Variants in MAST4 observed in about 807,000 individuals in gnomAD.
MAST4 encodes microtubule-associated serine/threonine-protein kinase 4.
Under a neutral mutation model 162.7 loss-of-function variants are expected in MAST4, and 89 were observed. That is an observed-to-expected ratio of 0.55 (90% CI 0.46 to 0.65). The LOEUF is 0.65. MAST4 is among the 30% of genes least tolerant of loss of function. MAST4 has a pLI of 0.00. For synonymous variants in MAST4, 1,479 were observed against 1,361.1 expected, an observed-to-expected ratio of 1.09 and a Z score of -1.91; for missense variants, 3,153 against 3,374.0, an observed-to-expected ratio of 0.93 and a Z score of 1.62.
chr5:66,797,940 G>C (rs762677691), intron 3 of MAST4, among the ~76,000 whole-genome samples: 44 of 152,186 alleles, frequency 2.9e-4, no homozygotes, highest in Admixed American at 3.9e-4. Context: ...ATGTGTATCA[G>C]TGATGATGAA....
At chr5:66,856,660 T>G (rs956934051) in intron 3 of MAST4, among the ~76,000 whole-genome samples, 1 of 152,234 alleles carries the variant, frequency 6.6e-6, no homozygotes, top group African/African-American at 2.4e-5. Flanking sequence ...GCCTTCCTGA[T>G]TTTAAATCTG....
rs761019817 is a variant in MAST4, at chr5:66,596,679, G to T, written c.24G>T (p.Ala8=). MGEKVSE[A]PEPVPRGCSG... ...AAATGGGGGAGAAAGTTTCGGAGGCGCCAGAGCCGGTGCCCCGCGGCTGCA... is the reference window on the plus strand; with the variant it reads ...AAATGGGGGAGAAAGTTTCGGAGGCTCCAGAGCCGGTGCCCCGCGGCTGCA... Residue 8 remains alanine (A), a synonymous_variant, in exon 1 of 29, where the codon GCG becomes GCT. Coordinates refer to ENST00000403625, the MANE Select transcript of MAST4 (RefSeq NM_001164664.2). 21 of 1,466,194 alleles carry T rather than the reference G, an allele frequency of 1.4e-5. No individual in the cohort carries two copies. The highest frequency in any genetic ancestry group is 1.2e-4 in the African/African-American group (8 of 68,522). The allele number at this position is 1,466,194 out of a possible 1,614,324, so 90.8% of individuals were successfully genotyped here. A position where few individuals can be genotyped will look rare whatever the true frequency, so the allele number is the denominator to read the frequency against.
intron 4 of MAST4, among the ~76,000 whole-genome samples, chr5:67,016,073 T>G (rs1278641115): frequency 1.3e-5 from 2 of 152,186 alleles, no homozygotes; most frequent in African/African-American, 2.4e-5. Context: ...CTCAATCTAG[T>G]GGGCTTTAGA....
intron 3 of MAST4, among the ~76,000 whole-genome samples, chr5:66,869,338 T>G (rs939338472): frequency 6.6e-6 from 1 of 152,204 alleles, no homozygotes; most frequent in South Asian, 2.1e-4. Flanking sequence ...TCTATGGAAA[T>G]GGGAAGACAT....
intron 4 of MAST4, among the ~76,000 whole-genome samples, chr5:66,901,900 G>A (rs74867221): frequency 3.9e-5 from 6 of 151,990 alleles, no homozygotes; most frequent in Non-Finnish European, 7.4e-5. Flanking sequence ...CTCATGCAAG[G>A]TTCTTTTATG....
intron 4 of MAST4, among the ~76,000 whole-genome samples, chr5:67,027,879 T>C (rs576115534): frequency 6.6e-6 from 1 of 152,318 alleles, no homozygotes; most frequent in East Asian, 1.9e-4. Flanking sequence ...CTGAGTGTAG[T>C]TGACTCTCCA....
At chr5:66,812,880 T>C (rs1642332394) in intron 3 of MAST4, among the ~76,000 whole-genome samples, 1 of 152,216 alleles carries the variant, frequency 6.6e-6, no homozygotes, top group South Asian at 2.1e-4. Context: ...ACCACCTCTC[T>C]TGCAGTTTAG....
Position 67,165,434 on chromosome 5 carries a change from G to T in MAST4, c.6255G>T (p.Ala2085=), listed in dbSNP as rs373958854. 1 of 1,613,894 alleles carries T rather than the reference G, an allele frequency of 6.2e-7. No individual in the cohort carries two copies. Among genetic ancestry groups the T allele is most frequent in the South Asian group, 1.1e-5 (1 of 91,086 alleles). The change falls in exon 29 of 29, where the codon GCG becomes GCT. Residue 2085 remains alanine, a synonymous_variant. Transcript: ENST00000403625. The stretch of plus-strand genomic sequence containing the variant: ...GTGGCGTGGAACCCAAGCCCGAAGC[G>T]CTTCTTGCCAGGCGGTCTCTGCAGC... ...VRRGVEPKPE[A]LLARRSLQPP...
At chr5:66,953,965 C>G (rs531142577) in intron 4 of MAST4, among the ~76,000 whole-genome samples, 1 of 152,284 alleles carries the variant, frequency 6.6e-6, no homozygotes, top group Non-Finnish European at 1.5e-5. Flanking sequence ...AGAACCACTA[C>G]TCTAGAGAAT....
intron 3 of MAST4, among the ~76,000 whole-genome samples, chr5:66,863,494 T>A (rs1329045519): frequency 6.6e-6 from 1 of 152,148 alleles, no homozygotes; most frequent in East Asian, 1.9e-4. Context: ...CCTTTCCCCA[T>A]GTCTCCCTCC....
intron 4 of MAST4, among the ~76,000 whole-genome samples, chr5:66,912,062 A>G (rs1194021816): frequency 1.3e-5 from 2 of 152,158 alleles, no homozygotes; most frequent in Admixed American, 6.5e-5. Flanking sequence ...GGCAGAGAGT[A>G]TCTTCTAGAT....
chr5:66,809,630 G>A (rs1267096817), intron 3 of MAST4, among the ~76,000 whole-genome samples: 5 of 151,984 alleles, frequency 3.3e-5, no homozygotes, highest in Admixed American at 3.3e-4. Flanking sequence ...AATACAGAAA[G>A]GTATAAAATA....
intron 2 of MAST4, among the ~76,000 whole-genome samples, chr5:66,781,675 G>T (rs1237898423): frequency 6.6e-6 from 1 of 152,192 alleles, no homozygotes; most frequent in Non-Finnish European, 1.5e-5. Flanking sequence ...CTGAGAACCA[G>T]AAGTCACGTC....
intron 4 of MAST4, among the ~76,000 whole-genome samples, chr5:66,908,749 A>G (rs1763548053): frequency 6.6e-6 from 1 of 152,222 alleles, no homozygotes; most frequent in Non-Finnish European, 1.5e-5. Context: ...ACCTTCTCAC[A>G]TCTGTTAATC....
intron 4 of MAST4, among the ~76,000 whole-genome samples, chr5:67,015,412 A>G (rs1250155030): frequency 2.6e-5 from 4 of 152,202 alleles, no homozygotes; most frequent in East Asian, 1.9e-4. Context: ...GCTTTTTAAT[A>G]GAGAAACTAA....
At position 67,149,442 on chromosome 5, in the gene MAST4, G is replaced by A; in HGVS notation, c.3148G>A (p.Asp1050Asn). 6.2e-7 allele frequency: 1 copy of A among 1,613,666 alleles called. No individual in the cohort carries two copies. ...GATAAATGGACGAAGCGAGTGTGTG[G>A]ACAGTACAGATAATTCCTCAAAGCC... Reference protein sequence around the residue: ...DQINGRSECVDSTDNSSKPSS... With the variant: ...DQINGRSECVNSTDNSSKPSS... Residue 1050 changes from aspartate to asparagine, a missense_variant, in exon 24 of 29, where the codon GAC becomes AAC. By Grantham distance (23) the Asp-to-Asn change is conservative (BLOSUM62 1). Coordinates refer to ENST00000403625, the MANE Select transcript of MAST4 (RefSeq NM_001164664.2).
At chr5:67,125,823 G>T (rs1355079178) in intron 14 of MAST4, among the ~76,000 whole-genome samples, 2 of 152,070 alleles carry the variant, frequency 1.3e-5, no homozygotes, top group Non-Finnish European at 2.9e-5. Context: ...TTGAGGAATC[G>T]CCACACTGTC....
chr5:66,770,397 C>T (rs1210329046), intron 2 of MAST4, among the ~76,000 whole-genome samples: 1 of 152,144 alleles, frequency 6.6e-6, no homozygotes, highest in Non-Finnish European at 1.5e-5. Flanking sequence ...GCAGATGCTG[C>T]CTCCCAGTGG....
chr5:66,737,976 C>T (rs545208776), intron 1 of MAST4: 8 of 152,236 alleles, frequency 5.3e-5, no homozygotes, highest in African/African-American at 1.7e-4. Flanking sequence ...CAAATTAGAA[C>T]GGGGTGCATT....
Sources: allele counts gnomAD v4.1 joint callset (sites outside exome capture counted in the v4.1 genomes callset), GRCh38; gene constraint gnomAD v4.1.1; transcripts MANE v1.5; gene names NCBI Gene and HGNC (gene_info 2026-07-23, HGNC 2026-07-21).